The following SORCS3 variants were observed in gnomAD, a reference collection of about 807,000 sequenced individuals.
SORCS3 encodes sortilin related VPS10 domain containing receptor 3, also known as VPS10 domain-containing receptor SorCS3.
A neutral mutation model predicts 146.3 loss-of-function variants in SORCS3; 57 were observed. That is an observed-to-expected ratio of 0.39 (90% CI 0.31 to 0.49). SORCS3 has a LOEUF of 0.49. Ranked by LOEUF, SORCS3 falls within the 20% of genes least tolerant of loss-of-function variation. The pLI, the probability that SORCS3 is intolerant of heterozygous loss-of-function variation, is 0.92. For synonymous variants in SORCS3, 653 were observed against 618.5 expected, an observed-to-expected ratio of 1.06 and a Z score of -0.83; for missense variants, 1,341 against 1,575.5, an observed-to-expected ratio of 0.85 and a Z score of 2.52.
chr10:104,817,715 C>T (rs910598832), intron 1 of SORCS3, among the ~76,000 whole-genome samples: 1 of 126,976 alleles, frequency 7.9e-6, no homozygotes, highest in African/African-American at 3.1e-5. Context: ...ATTTTCCCTC[C>T]CCTCCTCCTC....
At chr10:104,832,537 G>A (rs1260715501) in intron 1 of SORCS3, among the ~76,000 whole-genome samples, 4 of 152,104 alleles carry the variant, frequency 2.6e-5, no homozygotes, top group South Asian at 2.1e-4. Flanking sequence ...TGCCAACATG[G>A]TGATACCCTG....
intron 14 of SORCS3, among the ~76,000 whole-genome samples, chr10:105,184,429 G>A (rs968224675): frequency 6.6e-6 from 1 of 152,128 alleles, no homozygotes; most frequent in African/African-American, 2.4e-5. Context: ...CCATAGAGCT[G>A]GCCAGACATG....
chr10:104,722,664 T>G (rs2016564624), intron 1 of SORCS3, among the ~76,000 whole-genome samples: 1 of 152,206 alleles, frequency 6.6e-6, no homozygotes, highest in Non-Finnish European at 1.5e-5. Context: ...GAGCCTGTTA[T>G]TGGTCTATTC....
intron 1 of SORCS3, among the ~76,000 whole-genome samples, chr10:104,704,330 G>A (rs917274654): frequency 2.0e-5 from 3 of 152,064 alleles, no homozygotes; most frequent in Non-Finnish European, 2.9e-5. Context: ...ACCATGCCCA[G>A]CTATTTTTGT....
At chr10:104,839,456 T>C (rs1375276091) in intron 1 of SORCS3, among the ~76,000 whole-genome samples, 1 of 152,072 alleles carries the variant, frequency 6.6e-6, no homozygotes, top group Non-Finnish European at 1.5e-5. Flanking sequence ...AAAGCAGAGA[T>C]GTGAGGATGT....
At chr10:105,221,713 A>C (rs1212146733) in intron 19 of SORCS3, among the ~76,000 whole-genome samples, 1 of 152,176 alleles carries the variant, frequency 6.6e-6, no homozygotes, top group African/African-American at 2.4e-5. Flanking sequence ...CTCCACCAAT[A>C]AGAATTCAAG....
chr10:104,664,055 T>C (rs893679316), intron 1 of SORCS3, among the ~76,000 whole-genome samples: 8 of 152,184 alleles, frequency 5.3e-5, no homozygotes, highest in African/African-American at 1.9e-4. Flanking sequence ...GGCTCAGGCA[T>C]GACTTGGGAA....
At chr10:104,911,860 C>T (rs1177656913) in intron 2 of SORCS3, among the ~76,000 whole-genome samples, 72 of 152,094 alleles carry the variant, frequency 4.7e-4, no homozygotes, top group Admixed American at 4.7e-3. Flanking sequence ...AATCTCCCAG[C>T]CTCTGTTGCT....
chr10:104,919,183 C>G (rs969093887), intron 3 of SORCS3, among the ~76,000 whole-genome samples: 4 of 152,138 alleles, frequency 2.6e-5, no homozygotes, highest in African/African-American at 9.7e-5. Context: ...CTCTCAGGAG[C>G]CATTTCTCAC....
chr10:105,045,037 A>AAAAAAAGAAAGAAAG lies in SORCS3; in HGVS notation c.1028+1913_1028+1914insAAGAAAGAAAGAAAA, dbSNP rs796179490. 5.8e-4 allele frequency among the ~76,000 whole-genome samples: 75 copies of AAAAAAAGAAAGAAAG among 128,816 alleles called. 1 individual carries two copies. Among genetic ancestry groups the AAAAAAAGAAAGAAAG allele is most frequent in the African/African-American group, 1.5e-3 (53 of 35,916 alleles). The allele number at this position is 128,816 out of a possible 152,430, so 84.5% of individuals were successfully genotyped here. A position where few individuals can be genotyped will look rare whatever the true frequency, so the allele number is the denominator to read the frequency against. On this transcript the variant is annotated intron_variant, in intron 5 of 26. Transcript: ENST00000369701. ...CCAGAATTCGAAAAAAAAAAAAAAA[A>AAAAAAAGAAAGAAAG]AAAAGAAAGAAAGAAAGAAAGCGAA...
chr10:105,088,573 C>A (rs2133739720), intron 5 of SORCS3, among the ~76,000 whole-genome samples: 1 of 151,792 alleles, frequency 6.6e-6, no homozygotes, highest in South Asian at 2.1e-4. Context: ...TAAAACATAC[C>A]ACTTGCAGCC....
chr10:104,925,908 C>T (rs935357577), intron 3 of SORCS3, among the ~76,000 whole-genome samples: 7 of 152,112 alleles, frequency 4.6e-5, no homozygotes, highest in Admixed American at 4.6e-4. Context: ...AGAGCCTTTC[C>T]ATGGCAAAAA....
intron 3 of SORCS3, among the ~76,000 whole-genome samples, chr10:104,959,625 G>A (rs1409560641): frequency 6.6e-6 from 1 of 152,172 alleles, no homozygotes; most frequent in Non-Finnish European, 1.5e-5. Context: ...AACAATACCT[G>A]CGTTGCATTC....
chr10:105,140,041 T>C (rs545789366), intron 8 of SORCS3, among the ~76,000 whole-genome samples: 2 of 152,304 alleles, frequency 1.3e-5, no homozygotes, highest in East Asian at 3.9e-4. Flanking sequence ...AAAACTTACT[T>C]TGGGGACCCC....
chr10:104,854,546 C>T (rs933779443), intron 2 of SORCS3, among the ~76,000 whole-genome samples: 2 of 152,128 alleles, frequency 1.3e-5, no homozygotes, highest in African/African-American at 4.8e-5. Flanking sequence ...AATCCACCAA[C>T]ATTATACAGA....
At chr10:105,242,452 A>ATATATT (rs1564793426) in intron 20 of SORCS3, among the ~76,000 whole-genome samples, 8,029 of 74,940 alleles carry the variant, frequency 0.11, 550 homozygotes, top group Non-Finnish European at 0.12. Context: ...ATATATATTT[A>ATATATT]TATATATTTA....
chr10:104,719,184 G>A (rs1323742918), intron 1 of SORCS3, among the ~76,000 whole-genome samples: 5 of 152,062 alleles, frequency 3.3e-5, no homozygotes, highest in African/African-American at 7.2e-5. Flanking sequence ...CAAGTGCTCC[G>A]TAATTACATG....
At chr10:105,233,563 C>T (rs535207427) in intron 20 of SORCS3, among the ~76,000 whole-genome samples, 45 of 152,270 alleles carry the variant, frequency 3.0e-4, no homozygotes, top group African/African-American at 1.1e-3. Context: ...CTTAGCCCCC[C>T]ACCCCTCCTT....
intron 20 of SORCS3, among the ~76,000 whole-genome samples, chr10:105,244,829 G>T (rs1277802532): frequency 1.3e-5 from 2 of 152,066 alleles, no homozygotes; most frequent in Non-Finnish European, 1.5e-5. Flanking sequence ...AGCACTTTGG[G>T]AGACTGAGGT....
Sources: gnomAD v4.1 joint callset for allele counts (sites outside exome capture counted in the v4.1 genomes callset) on GRCh38, gnomAD v4.1.1 for gene constraint, MANE v1.5 for transcripts, NCBI Gene and HGNC (gene_info 2026-07-23, HGNC 2026-07-21) for gene names.